Variants in NEGR1 observed in about 807,000 individuals in gnomAD.
The protein encoded by NEGR1 is neuronal growth regulator 1, also known as IgLON family member 4.
Under a neutral mutation model 40.9 loss-of-function variants are expected in NEGR1, and 10 were observed. The observed-to-expected ratio is 0.24, with a 90% CI of 0.15 to 0.42. The LOEUF is 0.42. Among genes scored for constraint, NEGR1 ranks in the 10% least tolerant of loss-of-function variants. The pLI is 1.00. For synonymous variants in NEGR1, 185 were observed against 166.8 expected, an observed-to-expected ratio of 1.11 and a Z score of -0.84; for missense variants, 352 against 438.9, an observed-to-expected ratio of 0.80 and a Z score of 1.77.
intron 1 of NEGR1, among the ~76,000 whole-genome samples, chr1:72,264,758 G>T (rs1379953865): frequency 6.6e-6 from 1 of 150,512 alleles, no homozygotes; most frequent in Non-Finnish European, 1.5e-5. Flanking sequence ...CGTACAAAAC[G>T]TTTAATAATG....
chr1:71,918,150 G>A (rs1205294885), intron 2 of NEGR1, among the ~76,000 whole-genome samples: 1 of 141,164 alleles, frequency 7.1e-6, no homozygotes, highest in East Asian at 2.2e-4. Flanking sequence ...CCGGGAGGCA[G>A]AGGTTGCAGT....
At chr1:71,717,714 G>A (rs1654324514) in intron 3 of NEGR1, among the ~76,000 whole-genome samples, 1 of 152,132 alleles carries the variant, frequency 6.6e-6, no homozygotes, top group African/African-American at 2.4e-5. Context: ...AAGTCCTAAA[G>A]CCCAGTACTT....
At chr1:71,996,632 A>G (rs1309134273) in intron 1 of NEGR1, among the ~76,000 whole-genome samples, 1 of 152,080 alleles carries the variant, frequency 6.6e-6, no homozygotes, top group African/African-American at 2.4e-5. Context: ...TCCTCAACAT[A>G]TGATCTTGAT....
At chr1:71,815,687 T>C (rs959789263) in intron 2 of NEGR1, among the ~76,000 whole-genome samples, 2 of 152,072 alleles carry the variant, frequency 1.3e-5, no homozygotes, top group East Asian at 1.9e-4. Context: ...CTTTTTACTA[T>C]ATAACATTGA....
chr1:72,035,116 C>G (rs1490976948), intron 1 of NEGR1, among the ~76,000 whole-genome samples: 1 of 152,114 alleles, frequency 6.6e-6, no homozygotes, highest in Non-Finnish European at 1.5e-5. Context: ...AATGGCATAC[C>G]TGGTCAAACC....
At position 71,403,071 on chromosome 1, in the gene NEGR1, CT is replaced by C. The variant is rs935090056; in HGVS notation, c.*4374del. On this transcript the variant is annotated 3_prime_UTR_variant, in exon 7 of 7. Transcript: ENST00000357731. The stretch of plus-strand genomic sequence containing the variant: ...ATAGCTTATAAAACCAAGCATGAAT[CT>C]TTTTTATGCTTTGTTGTTTTATCTA... 2 of 152,072 alleles carry C rather than the reference CT, an allele frequency of 1.3e-5. No homozygotes were observed. The highest frequency in any genetic ancestry group is 4.8e-5 in the African/African-American group (2 of 41,522). The allele number at this position is 152,072 out of a possible 1,614,324, so 9.4% of individuals were successfully genotyped here.
intron 6 of NEGR1, among the ~76,000 whole-genome samples, chr1:71,542,781 C>A (rs2483662): frequency 0.99 from 150,017 of 151,774 alleles, 74,155 homozygotes; most frequent in East Asian, 1. Flanking sequence ...CTATGATAAC[C>A]TTTGCTCCTC....
At chr1:71,499,007 T>A (rs1646982873) in intron 6 of NEGR1, among the ~76,000 whole-genome samples, 2 of 152,154 alleles carry the variant, frequency 1.3e-5, no homozygotes, top group South Asian at 4.1e-4. Context: ...GACTACGGAC[T>A]TCTGAGGCAG....
intron 3 of NEGR1, among the ~76,000 whole-genome samples, chr1:71,771,609 G>A (rs570294912): frequency 7.3e-6 from 1 of 136,876 alleles, no homozygotes; most frequent in African/African-American, 2.7e-5. Flanking sequence ...TGAGACAGGA[G>A]AATCGTTTGA....
chr1:72,220,689 G>A (rs1653984187), intron 1 of NEGR1, among the ~76,000 whole-genome samples: 1 of 151,696 alleles, frequency 6.6e-6, no homozygotes, highest in African/African-American at 2.4e-5. Context: ...AGAATATAAG[G>A]GATATTAAAT....
intron 1 of NEGR1, among the ~76,000 whole-genome samples, chr1:72,061,616 C>G (rs941434122): frequency 6.6e-6 from 1 of 151,770 alleles, no homozygotes; most frequent in East Asian, 1.9e-4. Context: ...AATAAGCAGA[C>G]TTTTATCCAC....
chr1:71,890,173 C>A (rs1433087273), intron 2 of NEGR1, among the ~76,000 whole-genome samples: 31 of 129,338 alleles, frequency 2.4e-4, no homozygotes, highest in African/African-American at 7.2e-4. Context: ...CGAGCAAAAT[C>A]ACCAGCTAAC....
intron 3 of NEGR1, among the ~76,000 whole-genome samples, chr1:71,715,886 G>A (rs574919367): frequency 1.1e-4 from 16 of 152,014 alleles, no homozygotes; most frequent in South Asian, 2.1e-4. Flanking sequence ...TCCAGCCTCC[G>A]CCTGTTACCC....
intron 3 of NEGR1, among the ~76,000 whole-genome samples, chr1:71,768,474 G>A (rs1656206679): frequency 6.6e-6 from 1 of 152,126 alleles, no homozygotes; most frequent in South Asian, 2.1e-4. Context: ...TCTCCCTTTT[G>A]GAATGGGAGT....
intron 3 of NEGR1, among the ~76,000 whole-genome samples, chr1:71,700,677 T>C (rs557415691): frequency 2.0e-5 from 3 of 152,064 alleles, no homozygotes; most frequent in Non-Finnish European, 2.9e-5. Context: ...ATTTATTTCC[T>C]TATAGTTCTT....
chr1:71,943,043 T>C (rs1645984288), intron 1 of NEGR1, among the ~76,000 whole-genome samples: 1 of 135,344 alleles, frequency 7.4e-6, no homozygotes, highest in Non-Finnish European at 1.6e-5. Flanking sequence ...CATACATATA[T>C]ATGTGTATAT....
At chr1:72,281,237 AAGAG>A (rs1439524364) in intron 1 of NEGR1, among the ~76,000 whole-genome samples, 3 of 149,808 alleles carry the variant, frequency 2.0e-5, no homozygotes, top group Admixed American at 1.3e-4. Flanking sequence ...GAAAGAGAAA[AAGAG>A]AGAAGCAGAG....
intron 2 of NEGR1, among the ~76,000 whole-genome samples, chr1:71,791,446 A>T (rs978366521): frequency 1.3e-5 from 2 of 152,126 alleles, no homozygotes; most frequent in Non-Finnish European, 2.9e-5. Flanking sequence ...CCACAGTGGC[A>T]GTGTTTAGAG....
chr1:71,642,640 C>T (rs995517885), intron 4 of NEGR1, among the ~76,000 whole-genome samples: 4 of 151,828 alleles, frequency 2.6e-5, no homozygotes, highest in African/African-American at 9.7e-5. Flanking sequence ...TTTGAGATCA[C>T]AAATCAATGA....
Sources: gnomAD v4.1 joint callset for allele counts (sites outside exome capture counted in the v4.1 genomes callset) on GRCh38, gnomAD v4.1.1 for gene constraint, MANE v1.5 for transcripts, NCBI Gene and HGNC (gene_info 2026-07-23, HGNC 2026-07-21) for gene names.